AUTS2: variants seen among roughly 807,000 people sequenced by gnomAD.
The protein encoded by AUTS2 is activator of transcription and developmental regulator AUTS2, also known as autism susceptibility gene 2 protein.
AUTS2 carries 17 observed loss-of-function variants against 112.4 expected under a neutral mutation model. The observed-to-expected ratio is 0.15, with a 90% CI of 0.10 to 0.23. The LOEUF is 0.23. AUTS2 is among the 10% of genes least tolerant of loss of function. The pLI, the probability that AUTS2 is intolerant of heterozygous loss-of-function variation, is 1.00. For missense variants in AUTS2, 1,510 were observed against 1,701.6 expected, an observed-to-expected ratio of 0.89 and a Z score of 1.98; for synonymous variants, 751 against 702.7, an observed-to-expected ratio of 1.07 and a Z score of -1.09.
chr7:69,617,933 A>G (rs1793464802), intron 1 of AUTS2, among the ~76,000 whole-genome samples: 1 of 152,166 alleles, frequency 6.6e-6, no homozygotes, highest in Non-Finnish European at 1.5e-5. Flanking sequence ...GAATTATTTT[A>G]ACCACAATGG....
intron 1 of AUTS2, among the ~76,000 whole-genome samples, chr7:69,841,861 TTG>T (rs1373060869): frequency 6.6e-6 from 1 of 152,174 alleles, no homozygotes; most frequent in Non-Finnish European, 1.5e-5. Context: ...AGTATTTTGG[TTG>T]TGTTAGGAAA....
rs41272930 is a variant in AUTS2 at position 70,766,277 on chromosome 7, G to A, written c.1632G>A (p.Thr544=). The A allele has an allele frequency of 6.2e-3, 10,027 of 1,614,032 alleles. 43 individuals are homozygous for A. Among genetic ancestry groups the A allele is most frequent in the Non-Finnish European group, 7.9e-3 (9,282 of 1,180,012 alleles). ...AGCACACGCACCAGCACACCTTCAC[G>A]CCGTTCCCCCACGCCATCCCACCCA... ...THQHTHQHTF[T]PFPHAIPPTA... The change falls in exon 9 of 19, where the codon ACG becomes ACA. Residue 544 remains threonine (T), a synonymous_variant. Coordinates refer to ENST00000342771, the MANE Select transcript of AUTS2 (RefSeq NM_015570.4). This position sits in a 1 kb window ranked among gnomAD's most constrained non-coding sequence, Gnocchi z 4.8.
chr7:70,590,442 G>A (rs564460715), intron 5 of AUTS2, among the ~76,000 whole-genome samples: 1 of 152,146 alleles, frequency 6.6e-6, no homozygotes, highest in East Asian at 1.9e-4. Context: ...GAACTTTTGG[G>A]GGCATACTGT....
chr7:70,755,677 A>G (rs973077202), intron 6 of AUTS2, among the ~76,000 whole-genome samples: 1 of 152,138 alleles, frequency 6.6e-6, no homozygotes, highest in Non-Finnish European at 1.5e-5. Flanking sequence ...CTCAAAAAAA[A>G]AATTCAGTAG....
chr7:70,086,162 A>G (rs932270758), intron 2 of AUTS2, among the ~76,000 whole-genome samples: 2 of 152,158 alleles, frequency 1.3e-5, no homozygotes, highest in African/African-American at 4.8e-5. Flanking sequence ...GCATTTGTGT[A>G]TGAATTTTAG....
chr7:70,624,272 A>G (rs964627192), intron 5 of AUTS2, among the ~76,000 whole-genome samples: 5 of 152,186 alleles, frequency 3.3e-5, no homozygotes, highest in African/African-American at 1.2e-4. Context: ...TGGAGAATGC[A>G]AATGATGTGA....
At chr7:70,721,838 C>CT (rs995672676) in intron 6 of AUTS2, among the ~76,000 whole-genome samples, 2 of 151,952 alleles carry the variant, frequency 1.3e-5, no homozygotes, top group African/African-American at 2.4e-5. Context: ...CTTTAGCTCT[C>CT]TTTTTTTTAG....
chr7:70,019,699 G>C (rs908629331), intron 2 of AUTS2, among the ~76,000 whole-genome samples: 2 of 152,142 alleles, frequency 1.3e-5, no homozygotes, highest in African/African-American at 4.8e-5. Flanking sequence ...TAGAGTTGTT[G>C]AGACAGTTAA....
chr7:69,770,457 T>G (rs555291114), intron 1 of AUTS2, among the ~76,000 whole-genome samples: 2 of 152,238 alleles, frequency 1.3e-5, no homozygotes, highest in Admixed American at 1.3e-4. Flanking sequence ...GGCGCCGCAG[T>G]GGGAGCATCC....
At chr7:70,555,864 G>A (rs1014203754) in intron 5 of AUTS2, among the ~76,000 whole-genome samples, 1 of 150,936 alleles carries the variant, frequency 6.6e-6, no homozygotes, top group African/African-American at 2.4e-5. Flanking sequence ...GAGTGCAGTA[G>A]TGCGATCTCG....
intron 5 of AUTS2, among the ~76,000 whole-genome samples, chr7:70,519,403 A>G (rs1253356127): frequency 6.6e-6 from 1 of 152,188 alleles, no homozygotes; most frequent in Non-Finnish European, 1.5e-5. Context: ...AATGTATTGG[A>G]TGGAATTAAT....
intron 4 of AUTS2, among the ~76,000 whole-genome samples, chr7:70,151,408 G>A (rs1387603877): frequency 6.6e-6 from 1 of 152,128 alleles, no homozygotes; most frequent in South Asian, 2.1e-4. Flanking sequence ...ACATAGTAGG[G>A]TCTTGTCTCA....
chr7:70,217,183 G>A (rs1448393966), intron 4 of AUTS2, among the ~76,000 whole-genome samples: 1 of 152,198 alleles, frequency 6.6e-6, no homozygotes. Context: ...AGAAAAGTTG[G>A]ATGAGGATAT....
intron 4 of AUTS2, among the ~76,000 whole-genome samples, chr7:70,347,769 C>T (rs541606668): frequency 6.6e-6 from 1 of 152,246 alleles, no homozygotes; most frequent in Admixed American, 6.5e-5. Flanking sequence ...CCCCTCAGCA[C>T]CCACACTTCT....
intron 1 of AUTS2, among the ~76,000 whole-genome samples, chr7:69,874,120 A>C (rs1356061093): frequency 6.6e-6 from 1 of 152,170 alleles, no homozygotes; most frequent in Non-Finnish European, 1.5e-5. Flanking sequence ...GGCTGGACAC[A>C]GTGGGCTCAT....
chr7:70,628,501 G>C (rs1380970016), intron 5 of AUTS2, among the ~76,000 whole-genome samples: 1 of 151,904 alleles, frequency 6.6e-6, no homozygotes, highest in African/African-American at 2.4e-5. Context: ...TTTTAGCTAG[G>C]ATTATAATTT....
At chr7:70,665,642 CAGAAGCA>C (rs1455370923) in intron 5 of AUTS2, among the ~76,000 whole-genome samples, 1 of 152,058 alleles carries the variant, frequency 6.6e-6, no homozygotes, top group Non-Finnish European at 1.5e-5. Flanking sequence ...CATTTAGCTA[CAGAAGCA>C]CTCAGCATGC....
At chr7:70,442,891 T>C (rs1314862421) in intron 5 of AUTS2, among the ~76,000 whole-genome samples, 1 of 152,228 alleles carries the variant, frequency 6.6e-6, no homozygotes, top group Non-Finnish European at 1.5e-5. Context: ...ATTTTATTGT[T>C]CTTCCAAAAT....
intron 4 of AUTS2, among the ~76,000 whole-genome samples, chr7:70,153,734 A>G (rs1235967341): frequency 2.6e-5 from 4 of 152,360 alleles, no homozygotes; most frequent in South Asian, 2.1e-4. Flanking sequence ...TCAGACAGCT[A>G]CACACAAAAC....
Sources: allele counts gnomAD v4.1 joint callset (sites outside exome capture counted in the v4.1 genomes callset), GRCh38; gene constraint gnomAD v4.1.1; non-coding constraint Gnocchi (gnomAD v3.1); transcripts MANE v1.5; gene names NCBI Gene and HGNC (gene_info 2026-07-23, HGNC 2026-07-21).